ADAM32: variants seen among roughly 807,000 people sequenced by gnomAD.
The protein encoded by ADAM32 is ADAM metallopeptidase domain 32.
Under a neutral mutation model 114.9 loss-of-function variants are expected in ADAM32, and 89 were observed. The ratio of observed to expected loss-of-function variants is 0.77; its 90% CI spans 0.65 to 0.92. The LOEUF is 0.92. Ranked by LOEUF, ADAM32 falls within the 40% of genes least tolerant of loss-of-function variation. The pLI, the probability that ADAM32 is intolerant of heterozygous loss-of-function variation, is 0.00. For missense variants in ADAM32, 870 were observed against 932.8 expected, an observed-to-expected ratio of 0.93 and a Z score of 0.88; for synonymous variants, 285 against 307.5, an observed-to-expected ratio of 0.93 and a Z score of 0.77.
At chr8:39,246,422 G>C (rs1221413838) in intron 17 of ADAM32, among the ~76,000 whole-genome samples, 1 of 152,118 alleles carries the variant, frequency 6.6e-6, no homozygotes, top group African/African-American at 2.4e-5. Context: ...TAAATTTTCT[G>C]ATAAATACAT....
intron 19 of ADAM32, among the ~76,000 whole-genome samples, 181 bp downstream of exon 19, chr8:39,257,524 G>A (rs1811729287): frequency 1.3e-5 from 2 of 151,980 alleles, no homozygotes; most frequent in Non-Finnish European, 2.9e-5. Flanking sequence ...ACAAAGATTT[G>A]GAAGTGTAAT....
chr8:39,274,987 TTC>T (rs747736257), intron 21 of ADAM32, among the ~76,000 whole-genome samples: 1 of 152,236 alleles, frequency 6.6e-6, no homozygotes, highest in African/African-American at 2.4e-5. Context: ...AGGCTCCTGT[TTC>T]TCTGTGTGAT....
At position 39,211,223 on chromosome 8, in the gene ADAM32, T is replaced by C. The variant is rs375367242; in HGVS notation, c.1132T>C (p.Cys378Arg). ...QNFISNVGVKCLQNKPQMQKK... is the reference protein window; with the variant it reads ...QNFISNVGVKRLQNKPQMQKK... ...TTTCATTTCAAATGTGGGTGTCAAA[T>C]GTCTTCAGAATAAGCCACAAATGCA... is the stretch of plus-strand genomic sequence containing the variant. The change falls in exon 12 of 25, where the codon TGT becomes CGT. Residue 378 changes from cysteine (C) to arginine (R), a missense_variant. By Grantham distance (180) the Cys-to-Arg change is radical (BLOSUM62 -3). Transcript: ENST00000379907. 3.0e-4 allele frequency: 478 copies of C among 1,608,252 alleles called. No individual in the cohort carries two copies. The highest frequency in any genetic ancestry group is 3.9e-4 in the Non-Finnish European group (458 of 1,177,762).
chr8:39,230,420 T>G lies in ADAM32; in HGVS notation c.1526-1607T>G, dbSNP rs140131333. ...GATGCCACACGTAGACTAATAAAAT[T>G]GAGTTGGTTGGCGACTATACTTTCA... On this transcript the variant is annotated intron_variant, in intron 14 of 24. Coordinates refer to ENST00000379907, the MANE Select transcript of ADAM32 (RefSeq NM_145004.7). Among the ~76,000 whole-genome samples the G allele has an allele frequency of 4.6e-5, 7 of 152,278 alleles. No homozygotes were observed. In the East Asian group the frequency reaches 1.3e-3, roughly 29 times the overall value.
intron 23 of ADAM32, among the ~76,000 whole-genome samples, chr8:39,282,234 C>T (rs1367319000): frequency 6.6e-6 from 1 of 152,068 alleles, no homozygotes; most frequent in Non-Finnish European, 1.5e-5. Flanking sequence ...GGGTCAAGTC[C>T]ATGTTTATTT....
At chr8:39,229,193 G>A (rs1303027968) in intron 14 of ADAM32, among the ~76,000 whole-genome samples, 7 of 152,168 alleles carry the variant, frequency 4.6e-5, no homozygotes, top group Admixed American at 4.6e-4. Flanking sequence ...TCTAAATCTT[G>A]AAGCAGATCC....
At chr8:39,226,575 G>A (rs970656574) in intron 14 of ADAM32, among the ~76,000 whole-genome samples, 3 of 151,930 alleles carry the variant, frequency 2.0e-5, no homozygotes, top group Admixed American at 1.3e-4. Flanking sequence ...CATGTAAGTT[G>A]GATTTTCTCA....
intron 1 of ADAM32, among the ~76,000 whole-genome samples, chr8:39,116,176 C>T (rs973591791): frequency 2.0e-5 from 3 of 152,158 alleles, no homozygotes; most frequent in Non-Finnish European, 4.4e-5. Context: ...TGTGAGACCT[C>T]TTGCTTTCTT....
chr8:39,210,099 T>C (rs951884101), intron 11 of ADAM32, among the ~76,000 whole-genome samples: 1 of 152,192 alleles, frequency 6.6e-6, no homozygotes, highest in African/African-American at 2.4e-5. Flanking sequence ...GCTGGGGTGA[T>C]GAATTTTCTT....
At chr8:39,248,398 T>A (rs1391140242) in intron 17 of ADAM32, among the ~76,000 whole-genome samples, 3 of 152,204 alleles carry the variant, frequency 2.0e-5, no homozygotes, top group South Asian at 2.1e-4. Context: ...CATATTGATC[T>A]TATATATATT....
intron 2 of ADAM32, among the ~76,000 whole-genome samples, chr8:39,131,245 C>T (rs915982404): frequency 7.2e-5 from 11 of 152,058 alleles, no homozygotes; most frequent in Non-Finnish European, 1.5e-4. Flanking sequence ...CGTGAGCCAC[C>T]GTGCCTGGCC....
rs528718048 is a variant in ADAM32, at chr8:39,174,792, A to G, written c.915+4795A>G. The stretch of plus-strand genomic sequence containing the variant: ...TGCTTTGGGCAGTATGGCCATTTTC[A>G]TGATATTGATTCTTTCTATTTATGA... On this transcript the variant is annotated intron_variant, in intron 10 of 24. Coordinates refer to ENST00000379907, the MANE Select transcript of ADAM32 (RefSeq NM_145004.7). Among the ~76,000 whole-genome samples, 3 of 141,494 alleles carry G rather than the reference A, an allele frequency of 2.1e-5. No individual in the cohort carries two copies. The South Asian group carries it at 6.7e-4, about 31-fold the overall frequency. The allele number at this position is 141,494 out of a possible 152,430, so 92.8% of individuals were successfully genotyped here.
intron 11 of ADAM32, among the ~76,000 whole-genome samples, chr8:39,199,042 C>T (rs983702900): frequency 6.6e-6 from 1 of 152,142 alleles, no homozygotes; most frequent in South Asian, 2.1e-4. Context: ...CTTTCATTCT[C>T]TCCTGGCCTA....
At chr8:39,156,182 T>A (rs184116389) in intron 6 of ADAM32, among the ~76,000 whole-genome samples, 9 of 152,282 alleles carry the variant, frequency 5.9e-5, no homozygotes, top group Admixed American at 4.6e-4. Context: ...TACTCTGTCA[T>A]CCAGGCTGGA....
chr8:39,165,860 A>G (rs892934743), intron 9 of ADAM32: 4 of 151,974 alleles, frequency 2.6e-5, no homozygotes, highest in Non-Finnish European at 5.9e-5. Flanking sequence ...TGGTAGTCTG[A>G]TGGATATAAC....
At chr8:39,162,507 T>A (rs372023555) in intron 7 of ADAM32, among the ~76,000 whole-genome samples, 2 of 152,238 alleles carry the variant, frequency 1.3e-5, no homozygotes, top group Non-Finnish European at 2.9e-5. Context: ...ATGATTTATA[T>A]TCCTTTGGGT....
intron 7 of ADAM32, among the ~76,000 whole-genome samples, chr8:39,162,966 C>T (rs1257389643): frequency 2.0e-5 from 3 of 152,150 alleles, no homozygotes; most frequent in Non-Finnish European, 2.9e-5. Context: ...GCACCACTGG[C>T]CTCCAGCCTA....
intron 23 of ADAM32, among the ~76,000 whole-genome samples, chr8:39,283,099 G>A (rs1384494933): frequency 1.3e-5 from 2 of 152,042 alleles, no homozygotes; most frequent in East Asian, 3.8e-4. Context: ...AGGAATCTGT[G>A]TATATAAAAA....
chr8:39,132,943 ATCT>A (rs1303490126), intron 2 of ADAM32, among the ~76,000 whole-genome samples: 19 of 152,094 alleles, frequency 1.2e-4, no homozygotes, highest in East Asian at 7.7e-4. Context: ...CTTGGTGTGT[ATCT>A]TCTTGTATTT....
Sources: allele counts gnomAD v4.1 joint callset (sites outside exome capture counted in the v4.1 genomes callset), GRCh38; gene constraint gnomAD v4.1.1; transcripts MANE v1.5; gene names NCBI Gene and HGNC (gene_info 2026-07-23, HGNC 2026-07-21).